CAPS2: variants seen among roughly 807,000 people sequenced by gnomAD.
CAPS2 encodes the protein calcyphosine 2.
Under a neutral mutation model 86.5 loss-of-function variants are expected in CAPS2, and 98 were observed. The observed-to-expected ratio is 1.13, with a 90% CI of 0.96 to 1.34. CAPS2 has a LOEUF of 1.34. Among genes scored for constraint, CAPS2 ranks in the 40% most tolerant of loss-of-function variants. CAPS2 has a pLI of 0.00. For synonymous variants in CAPS2, 210 were observed against 225.1 expected (o/e 0.93, Z 0.60); for missense variants, 729 against 686.8 (o/e 1.06, Z -0.69).
At chr12:75,292,952 A>G (rs909113365) in intron 12 of CAPS2, among the ~76,000 whole-genome samples, 2 of 151,532 alleles carry the variant, frequency 1.3e-5, no homozygotes, top group African/African-American at 4.8e-5. Context: ...TTTTAAATTT[A>G]TTTCTTTTGG....
intron 1 of CAPS2, among the ~76,000 whole-genome samples, chr12:75,349,865 G>A (rs1386411268): frequency 6.6e-6 from 1 of 152,136 alleles, no homozygotes; most frequent in African/African-American, 2.4e-5. Flanking sequence ...ATCCATAGAG[G>A]AAAAAATATC....
chr12:75,278,331 T>C (rs1053170617), exon 17 of CAPS2: 1 of 984,166 alleles, frequency 1.0e-6, no homozygotes, highest in Non-Finnish European at 1.2e-6. Context: ...ATATTCTATA[T>C]ACAGAAAACA....
At position 75,298,758 on chromosome 12, in the gene CAPS2, G is replaced by A. The variant is rs746886254; in HGVS notation, c.973C>T (p.Gln325Ter). 15 of 1,612,824 alleles carry A rather than the reference G, an allele frequency of 9.3e-6. No homozygotes were observed. The highest frequency in any genetic ancestry group is 1.0e-5 in the Non-Finnish European group (12 of 1,179,392). Residue 325 changes from glutamine (Q) to a stop codon, truncating the protein, a stop_gained, in exon 11 of 17, where the codon CAA (glutamine) becomes TAA (stop). Transcript: ENST00000393284. LOFTEE classifies it high-confidence loss of function. ...CACTGATGACTATAAATGCTTTTTT[G>A]AATAAAAGGAAGCACATTTGTTCTA... is the stretch of plus-strand genomic sequence containing the variant.
At chr12:75,364,686 C>G (rs1319454690) in intron 1 of CAPS2, 1 of 152,176 alleles carries the variant, frequency 6.6e-6, no homozygotes, top group Non-Finnish European at 1.5e-5. Flanking sequence ...TAGTTACAGA[C>G]TTATAGCAAT....
rs71078726 is a variant in CAPS2, at chr12:75,377,840, G to GATATATATATATATATATAT, written c.-395+12978_-395+12997dup. On this transcript the variant is annotated intron_variant, in intron 1 of 5. Transcript: ENST00000551829. ...TTGATACTTAATATTAACCATCACA[G>GATATATATATATATATATAT]ATATATATATATATATATATGCGTG... Among the ~76,000 whole-genome samples, 5 of 146,986 alleles carry GATATATATATATATATATAT rather than the reference G, an allele frequency of 3.4e-5. No homozygotes were observed. In the South Asian group the frequency reaches 8.7e-4, roughly 26 times the overall value.
intron 1 of CAPS2, among the ~76,000 whole-genome samples, chr12:75,375,467 T>G (rs1009653391): frequency 5.3e-5 from 8 of 152,150 alleles, no homozygotes; most frequent in Admixed American, 5.2e-4. Context: ...TGGAGAAGGA[T>G]GGGAAGAAGA....
chr12:75,312,234 G>A (rs181315079), intron 7 of CAPS2, among the ~76,000 whole-genome samples: 84 of 152,172 alleles, frequency 5.5e-4, no homozygotes, highest in Admixed American at 1.0e-3. Flanking sequence ...AACTCACAGG[G>A]GTACTATGGG....
intron 1 of CAPS2, chr12:75,370,024 T>C: frequency 1.6e-6 from 2 of 1,234,240 alleles, no homozygotes; most frequent in South Asian, 1.2e-5. Flanking sequence ...TTAAATTATT[T>C]CCTCCCGTTG....
At chr12:75,327,099 C>T (rs1033185014), upstream of CAPS2, among the ~76,000 whole-genome samples, 3 of 152,118 alleles carry the variant, frequency 2.0e-5, no homozygotes, top group Admixed American at 6.5e-5. Context: ...GTACTTCTGA[C>T]CTCCAGAACT....
At chr12:75,384,618 T>C (rs574071258) in intron 1 of CAPS2, among the ~76,000 whole-genome samples, 1 of 152,214 alleles carries the variant, frequency 6.6e-6, no homozygotes, top group South Asian at 2.1e-4. Flanking sequence ...TTTCAGAAGA[T>C]AAAAGCAAAC....
At chr12:75,290,227 T>C (rs755215114) in intron 13 of CAPS2, among the ~76,000 whole-genome samples, 1 of 152,216 alleles carries the variant, frequency 6.6e-6, no homozygotes, top group Admixed American at 6.5e-5. Flanking sequence ...ATTTTAAAAA[T>C]AGTTTGAAAT....
chr12:75,364,750 GC>G (rs2043851393), intron 1 of CAPS2: 1 of 152,174 alleles, frequency 6.6e-6, no homozygotes, highest in South Asian at 2.1e-4. Flanking sequence ...GGAATTTAGA[GC>G]TTTTTGTTGT....
chr12:75,335,737 G>A (rs1174468551), intron 1 of CAPS2, among the ~76,000 whole-genome samples: 1 of 152,014 alleles, frequency 6.6e-6, no homozygotes, highest in Non-Finnish European at 1.5e-5. Context: ...ATATGTATCA[G>A]AAATGAAACA....
At chr12:75,303,165 C>T (rs964292966) in intron 8 of CAPS2, among the ~76,000 whole-genome samples, 3 of 152,032 alleles carry the variant, frequency 2.0e-5, no homozygotes, top group African/African-American at 7.3e-5. Flanking sequence ...AAATACTATA[C>T]AACAATGAGA....
chr12:75,364,048 C>T (rs144812399), intron 1 of CAPS2, among the ~76,000 whole-genome samples: 122 of 152,208 alleles, frequency 8.0e-4, no homozygotes, highest in African/African-American at 2.7e-3. Context: ...TTGTGGAGAC[C>T]AAGGGTTTAT....
chr12:75,278,517 A>C (rs1025950624), exon 17 of CAPS2: 3 of 990,602 alleles, frequency 3.0e-6, no homozygotes, highest in East Asian at 2.2e-4. Flanking sequence ...AAGGACAGGA[A>C]ACTTGGTTAA....
upstream of CAPS2, chr12:75,329,959 TAGAA>T: frequency 8.8e-7 from 1 of 1,134,776 alleles, no homozygotes. Flanking sequence ...GGTCCAGAGT[TAGAA>T]GAGTTGGAAA....
At chr12:75,379,212 T>G (rs115494000) in intron 1 of CAPS2, among the ~76,000 whole-genome samples, 2,347 of 152,296 alleles carry the variant, frequency 0.015, 62 homozygotes, top group African/African-American at 0.053. Context: ...TATTCCCTGA[T>G]GAAGAGGTAC....
chr12:75,363,088 T>C (rs1216076142), intron 1 of CAPS2: 1 of 1,437,034 alleles, frequency 7.0e-7, no homozygotes, highest in East Asian at 2.4e-5. Flanking sequence ...AATCAATGTT[T>C]CTCTTTTTTA....
Sources: allele counts gnomAD v4.1 joint callset (sites outside exome capture counted in the v4.1 genomes callset), GRCh38; gene constraint gnomAD v4.1.1; transcripts MANE v1.5; gene names NCBI Gene and HGNC (gene_info 2026-07-23, HGNC 2026-07-21).